CTNNA3: variants seen among roughly 807,000 people sequenced by gnomAD.
CTNNA3 encodes catenin alpha 3.
Under a neutral mutation model 95.7 loss-of-function variants are expected in CTNNA3, and 76 were observed. That is an observed-to-expected ratio of 0.79 (90% CI 0.66 to 0.96). The LOEUF is 0.96. Among genes scored for constraint, CTNNA3 ranks in the 40% least tolerant of loss-of-function variants. CTNNA3 has a pLI of 0.00. For missense variants in CTNNA3, 1,191 were observed against 1,089.8 expected, an observed-to-expected ratio of 1.09 and a Z score of -1.31; for synonymous variants, 431 against 374.4, an observed-to-expected ratio of 1.15 and a Z score of -1.74.
chr10:66,672,272 A>G (rs1846689699), intron 9 of CTNNA3, among the ~76,000 whole-genome samples: 1 of 152,134 alleles, frequency 6.6e-6, no homozygotes, highest in Non-Finnish European at 1.5e-5. Context: ...AGTACCTAAC[A>G]AAGTTATAGG....
intron 12 of CTNNA3, among the ~76,000 whole-genome samples, chr10:66,313,665 T>G (rs2092056873): frequency 6.6e-6 from 1 of 152,190 alleles, no homozygotes; most frequent in Admixed American, 6.5e-5. Context: ...GATTACTTAT[T>G]ATTTGTCTTT....
intron 3 of CTNNA3, among the ~76,000 whole-genome samples, chr10:67,595,264 G>A (rs972337777): frequency 5.5e-4 from 84 of 152,146 alleles, no homozygotes; most frequent in African/African-American, 2.0e-3. Context: ...TTTTGATGTG[G>A]GCATTTGGTG....
chr10:67,275,014 T>C (rs556437845), intron 5 of CTNNA3, among the ~76,000 whole-genome samples: 115 of 152,108 alleles, frequency 7.6e-4, no homozygotes, highest in Non-Finnish European at 1.3e-3. Flanking sequence ...AAAGCAAATC[T>C]CAATTTGAAG....
At chr10:66,368,026 G>T (rs2092726142) in intron 12 of CTNNA3, among the ~76,000 whole-genome samples, 1 of 150,688 alleles carries the variant, frequency 6.6e-6, no homozygotes, top group Non-Finnish European at 1.5e-5. Flanking sequence ...TTACATCTCT[G>T]GGTTAGAATC....
At chr10:66,902,040 A>T (rs1845770078) in intron 7 of CTNNA3, among the ~76,000 whole-genome samples, 1 of 152,196 alleles carries the variant, frequency 6.6e-6, no homozygotes. Context: ...CCTATTAGAC[A>T]TCTACAGAAC....
intron 4 of CTNNA3, among the ~76,000 whole-genome samples, chr10:67,536,106 G>A (rs1002809320): frequency 6.6e-6 from 1 of 152,028 alleles, no homozygotes; most frequent in East Asian, 1.9e-4. Context: ...GAAACTAAAA[G>A]TCATACAAAG....
At chr10:67,713,889 A>G (rs1255910817) in intron 1 of CTNNA3, among the ~76,000 whole-genome samples, 1 of 152,148 alleles carries the variant, frequency 6.6e-6, no homozygotes. Context: ...CCACCATGGC[A>G]CATGTATACC....
intron 9 of CTNNA3, among the ~76,000 whole-genome samples, chr10:66,666,715 T>C (rs1846463777): frequency 6.6e-6 from 1 of 152,120 alleles, no homozygotes; most frequent in African/African-American, 2.4e-5. Flanking sequence ...TTCTTTCTTC[T>C]TTCTAGAATA....
intron 5 of CTNNA3, among the ~76,000 whole-genome samples, chr10:67,379,049 T>G (rs1052476342): frequency 6.6e-6 from 1 of 152,240 alleles, no homozygotes; most frequent in Admixed American, 6.5e-5. Context: ...ATCAACCATT[T>G]AAAAGGTATC....
chr10:66,415,522 A>T (rs532914379), intron 11 of CTNNA3, among the ~76,000 whole-genome samples: 1 of 152,270 alleles, frequency 6.6e-6, no homozygotes, highest in South Asian at 2.1e-4. Context: ...CACAGCTGCC[A>T]CTACTGGGCT....
chr10:66,528,698 T>C (rs1420244569), intron 10 of CTNNA3, among the ~76,000 whole-genome samples: 1 of 152,142 alleles, frequency 6.6e-6, no homozygotes, highest in African/African-American at 2.4e-5. Flanking sequence ...TTCATACTTG[T>C]GGTATTGACA....
intron 13 of CTNNA3, among the ~76,000 whole-genome samples, chr10:66,248,668 A>G (rs1347530997): frequency 6.6e-6 from 1 of 152,202 alleles, no homozygotes; most frequent in East Asian, 1.9e-4. Context: ...ATATAATGAT[A>G]AAGAGGTCAA....
At chr10:67,697,269 T>A (rs1030822580), upstream of CTNNA3, among the ~76,000 whole-genome samples, 1 of 152,236 alleles carries the variant, frequency 6.6e-6, no homozygotes, top group African/African-American at 2.4e-5. Context: ...AAAGCAGCTT[T>A]TTCCCCCTGG....
intron 13 of CTNNA3, among the ~76,000 whole-genome samples, chr10:66,113,957 A>C (rs1201031673): frequency 6.6e-6 from 1 of 152,050 alleles, no homozygotes; most frequent in African/African-American, 2.4e-5. Flanking sequence ...CCATGCAATA[A>C]TAATAAGAGC....
At chr10:66,861,146 G>T (rs1307214075) in intron 7 of CTNNA3, among the ~76,000 whole-genome samples, 2 of 152,210 alleles carry the variant, frequency 1.3e-5, no homozygotes, top group African/African-American at 4.8e-5. Flanking sequence ...TACTGAGGGT[G>T]CTATGATGAA....
At chr10:66,163,087 C>T (rs781090724) in intron 13 of CTNNA3, among the ~76,000 whole-genome samples, 11 of 152,150 alleles carry the variant, frequency 7.2e-5, no homozygotes, top group Non-Finnish European at 1.3e-4. Flanking sequence ...AAGTCTGTTT[C>T]CAGGTGAAGG....
chr10:66,687,532 GAATA>G (rs1476889821), intron 9 of CTNNA3, among the ~76,000 whole-genome samples: 1 of 151,888 alleles, frequency 6.6e-6, no homozygotes, highest in Non-Finnish European at 1.5e-5. Flanking sequence ...TAAATCCCTA[GAATA>G]AATAAACAAG....
chr10:66,429,419 C>A (rs986733813), intron 11 of CTNNA3, among the ~76,000 whole-genome samples: 1 of 128,396 alleles, frequency 7.8e-6, no homozygotes, highest in Non-Finnish European at 1.6e-5. Context: ...CAGCATCATC[C>A]TGATACCAAA....
intron 17 of CTNNA3, among the ~76,000 whole-genome samples, chr10:65,927,996 T>A (rs962240712): frequency 1.3e-5 from 2 of 152,174 alleles, no homozygotes; most frequent in African/African-American, 2.4e-5. Context: ...TTTTAGGAAT[T>A]TTGATGAGCA....
Sources: gnomAD v4.1 joint callset for allele counts (sites outside exome capture counted in the v4.1 genomes callset) on GRCh38, gnomAD v4.1.1 for gene constraint, MANE v1.5 for transcripts, NCBI Gene and HGNC (gene_info 2026-07-23, HGNC 2026-07-21) for gene names.